Variants in OSBPL9 observed in about 807,000 individuals in gnomAD.
OSBPL9 encodes oxysterol binding protein like 9, also known as oxysterol-binding protein-related protein 9.
Under a neutral mutation model 106.6 loss-of-function variants are expected in OSBPL9, and 40 were observed. The observed-to-expected ratio is 0.38, with a 90% confidence interval of 0.29 to 0.49. The LOEUF is 0.49. Among genes scored for constraint, OSBPL9 ranks in the 20% least tolerant of loss-of-function variants. The probability of loss-of-function intolerance (pLI) is 0.97; values close to 1 mark genes in which losing one functional copy is unlikely to be tolerated. For missense variants in OSBPL9, 609 were observed against 887.2 expected, an observed-to-expected ratio of 0.69 and a Z score of 3.98; for synonymous variants, 269 against 295.4, an observed-to-expected ratio of 0.91 and a Z score of 0.92.
chr1:51,579,527 C>T (rs772709591), intron 1 of OSBPL9, among the ~76,000 whole-genome samples: 16 of 152,010 alleles, frequency 1.1e-4, no homozygotes, highest in African/African-American at 2.2e-4. Flanking sequence ...TTGCTAGATA[C>T]GTTAAAGCTT....
chr1:51,738,980 G>A (rs1666301853), intron 4 of OSBPL9, among the ~76,000 whole-genome samples: 1 of 151,876 alleles, frequency 6.6e-6, no homozygotes, highest in South Asian at 2.1e-4. Context: ...ACCTTGAGTA[G>A]TTTATTATTA....
chr1:51,772,901 A>G (rs1307172880), intron 14 of OSBPL9, among the ~76,000 whole-genome samples, 178 bp downstream of exon 14: 1 of 152,240 alleles, frequency 6.6e-6, no homozygotes, highest in African/African-American at 2.4e-5. Flanking sequence ...AAATAAGTCA[A>G]GCTAGGATAA....
chr1:51,653,382 A>G (rs936550605), intron 2 of OSBPL9, among the ~76,000 whole-genome samples: 6 of 152,172 alleles, frequency 3.9e-5, no homozygotes, highest in Non-Finnish European at 5.9e-5. Flanking sequence ...GTTGAATTCC[A>G]TTTGGATTTA....
intron 4 of OSBPL9, among the ~76,000 whole-genome samples, chr1:51,722,346 C>T (rs781682868): frequency 5.9e-5 from 9 of 152,126 alleles, no homozygotes; most frequent in Non-Finnish European, 8.8e-5. Context: ...AGAATGTTAC[C>T]TGTAAAAATC....
chr1:51,747,208 C>A (rs150759026), intron 6 of OSBPL9, among the ~76,000 whole-genome samples: 1,815 of 152,316 alleles, frequency 0.012, 38 homozygotes, highest in African/African-American at 0.042. Context: ...CTCAGGTGAT[C>A]CACCCACCTT....
intron 2 of OSBPL9, among the ~76,000 whole-genome samples, chr1:51,668,494 C>T (rs1408123172): frequency 6.6e-6 from 1 of 152,008 alleles, no homozygotes; most frequent in African/African-American, 2.4e-5. Context: ...TGGTGGCACA[C>T]GCTTGTAATC....
chr1:51,666,330 G>A (rs893366381), intron 2 of OSBPL9, among the ~76,000 whole-genome samples: 25 of 152,176 alleles, frequency 1.6e-4, no homozygotes, highest in Non-Finnish European at 3.1e-4. Flanking sequence ...GGTAGCTAGA[G>A]GGAGATGTGG....
In OSBPL9 at chr1:51,768,230, C is replaced by T. The variant is rs375475901; in HGVS notation, c.938+2249C>T. 3.9e-3 allele frequency among the ~76,000 whole-genome samples: 523 copies of T among 135,406 alleles called. 5 individuals are homozygous for T. The highest frequency in any genetic ancestry group is 0.014 in the African/African-American group (492 of 36,070). The allele number at this position is 135,406 out of a possible 152,430, so 88.8% of individuals were successfully genotyped here. A position where few individuals can be genotyped will look rare whatever the true frequency, so the allele number is the denominator to read the frequency against. On this transcript the variant is annotated intron_variant, in intron 12 of 23. Transcript: ENST00000428468. ...TGCTGGGATTACAGGCATGAGCCAC[C>T]GCGCCCAGCCTTTTTTGAGACGGAG...
At chr1:51,725,172 C>T (rs1557744718) in intron 4 of OSBPL9, among the ~76,000 whole-genome samples, 1 of 151,214 alleles carries the variant, frequency 6.6e-6, no homozygotes, top group Non-Finnish European at 1.5e-5. Context: ...TTGAGATACT[C>T]TCAAGTGCAG....
intron 1 of OSBPL9, among the ~76,000 whole-genome samples, chr1:51,590,336 C>T (rs1645268127): frequency 6.6e-6 from 1 of 151,270 alleles, no homozygotes; most frequent in Non-Finnish European, 1.5e-5. Flanking sequence ...AAAAAAATCA[C>T]GTGGCCGGGC....
intron 2 of OSBPL9, among the ~76,000 whole-genome samples, chr1:51,664,480 C>T (rs1441358916): frequency 6.6e-6 from 1 of 152,016 alleles, no homozygotes; most frequent in African/African-American, 2.4e-5. Context: ...CACTTGAGGC[C>T]AGGAGTTTGA....
chr1:51,766,119 T>C (rs1672502700), intron 12 of OSBPL9, 138 bp downstream of exon 12: 1 of 924,568 alleles, frequency 1.1e-6, no homozygotes, highest in Non-Finnish European at 1.5e-6. Context: ...ACCTTTTTAA[T>C]AGAAGTTTTT....
chr1:51,728,703 C>CT (rs1351682818), intron 4 of OSBPL9, among the ~76,000 whole-genome samples: 1 of 152,058 alleles, frequency 6.6e-6, no homozygotes, highest in Non-Finnish European at 1.5e-5. Flanking sequence ...AGCATTGCAC[C>CT]TTTTTTTGTT....
chr1:51,656,800 C>T (rs1646847164), intron 2 of OSBPL9, among the ~76,000 whole-genome samples: 1 of 151,920 alleles, frequency 6.6e-6, no homozygotes, highest in African/African-American at 2.4e-5. Context: ...GCTAGGACTA[C>T]AGGTGTGCAC....
At chr1:51,715,629 G>A (rs998261466) in intron 4 of OSBPL9, among the ~76,000 whole-genome samples, 1 of 152,152 alleles carries the variant, frequency 6.6e-6, no homozygotes, top group Non-Finnish European at 1.5e-5. Flanking sequence ...GAATGTGGCA[G>A]ATGAGATTTC....
chr1:51,640,528 T>C (rs1645721815), intron 1 of OSBPL9, among the ~76,000 whole-genome samples: 1 of 152,202 alleles, frequency 6.6e-6, no homozygotes, highest in South Asian at 2.1e-4. Flanking sequence ...TAATTTAAAA[T>C]ACAGTTGTAA....
intron 1 of OSBPL9, among the ~76,000 whole-genome samples, chr1:51,629,973 A>C (rs968500602): frequency 6.6e-6 from 1 of 151,948 alleles, no homozygotes; most frequent in Non-Finnish European, 1.5e-5. Context: ...ATTAATGTGC[A>C]TGGGGGAGGG....
intron 2 of OSBPL9, among the ~76,000 whole-genome samples, chr1:51,655,582 C>A (rs535355455): frequency 6.6e-6 from 1 of 152,130 alleles, no homozygotes; most frequent in Non-Finnish European, 1.5e-5. Flanking sequence ...ATTACTCCTG[C>A]GATATCATAT....
At chr1:51,543,917 C>T in the OSBPL9 span, among the ~76,000 whole-genome samples, 1 of 152,178 alleles carries the variant, frequency 6.6e-6, no homozygotes, top group Non-Finnish European at 1.5e-5. Context: ...AAATGAAAAT[C>T]AATTCTACGT....
Sources: gnomAD v4.1 joint callset for allele counts (sites outside exome capture counted in the v4.1 genomes callset) on GRCh38, gnomAD v4.1.1 for gene constraint, MANE v1.5 for transcripts, NCBI Gene and HGNC (gene_info 2026-07-23, HGNC 2026-07-21) for gene names.